AQR: variants seen among roughly 807,000 people sequenced by gnomAD.
AQR encodes RNA helicase aquarius.
In AQR, 61 loss-of-function variants were observed where a neutral mutation model predicts 180.5. That is an observed-to-expected ratio of 0.34 (90% CI 0.28 to 0.42). AQR has a LOEUF of 0.42. Among genes scored for constraint, AQR ranks in the 10% least tolerant of loss-of-function variants. The probability of loss-of-function intolerance (pLI) is 1.00; values close to 1 mark genes in which losing one functional copy is unlikely to be tolerated. For synonymous variants in AQR, 551 were observed against 588.8 expected, an observed-to-expected ratio of 0.94 and a Z score of 0.93; for missense variants, 1,281 against 1,798.3, an observed-to-expected ratio of 0.71 and a Z score of 5.20.
intron 3 of AQR, among the ~76,000 whole-genome samples, chr15:34,960,177 G>A (rs937369229): frequency 3.9e-5 from 6 of 152,086 alleles, no homozygotes; most frequent in Admixed American, 6.5e-5. Context: ...CCTAAGACAC[G>A]CTGTTAAATT....
At chr15:34,894,999 C>G (rs28636616) in intron 22 of AQR, among the ~76,000 whole-genome samples, 5 of 150,172 alleles carry the variant, frequency 3.3e-5, no homozygotes, top group Admixed American at 2.0e-4. Flanking sequence ...ACCCAATTCT[C>G]TACTAAAAAT....
Position 34,930,322 on chromosome 15 carries a change from G to A in AQR, c.950C>T (p.Thr317Ile), listed in dbSNP as rs1176225905. 4 of 1,611,394 alleles carry A rather than the reference G, an allele frequency of 2.5e-6. No individual in the cohort carries two copies. Among genetic ancestry groups the A allele is most frequent in the Non-Finnish European group, 2.5e-6 (3 of 1,178,578 alleles). ...FYTGFEINDQ[T>I]GNALTENEMT... ...CTCATTCTCTGTCAGAGCATTTCCA[G>A]TTTGGTCATTAATTTCAAAACCAGT... The change falls in exon 12 of 35, where the codon ACT (threonine) becomes ATT (isoleucine). Residue 317 changes from threonine to isoleucine, a missense_variant. Transcript: ENST00000156471.
intron 25 of AQR, among the ~76,000 whole-genome samples, chr15:34,886,054 T>A (rs1008151574): frequency 3.3e-5 from 5 of 152,302 alleles, no homozygotes; most frequent in South Asian, 4.1e-4. Flanking sequence ...CATCTTTATG[T>A]TGAAGTCAGA....
At chr15:34,884,134 T>G (rs1272773370) in intron 26 of AQR, among the ~76,000 whole-genome samples, 1 of 152,112 alleles carries the variant, frequency 6.6e-6, no homozygotes, top group East Asian at 1.9e-4. Context: ...GGGCCGGGTG[T>G]GGTGGCTCAC....
chr15:34,955,071 T>G (rs1473641490), intron 3 of AQR, among the ~76,000 whole-genome samples: 1 of 152,086 alleles, frequency 6.6e-6, no homozygotes, highest in Non-Finnish European at 1.5e-5. Context: ...TGCAGTGGGC[T>G]GAGATTGCGC....
At chr15:34,932,502 G>C (rs11858780) in intron 10 of AQR, 68 bp from the exon 11 acceptor site, 1 of 1,115,812 alleles carries the variant, frequency 9.0e-7, no homozygotes, top group Non-Finnish European at 1.3e-6. Context: ...GAAATCTAGT[G>C]ATATTTAACT....
intron 5 of AQR, among the ~76,000 whole-genome samples, chr15:34,945,058 A>G (rs1894088839): frequency 6.6e-6 from 1 of 152,196 alleles, no homozygotes; most frequent in African/African-American, 2.4e-5. Context: ...ACCATATTGA[A>G]GGCTCTTCTT....
At chr15:34,868,000 C>G in intron 31 of AQR, 1 of 177,044 alleles carries the variant, frequency 5.6e-6, no homozygotes. Flanking sequence ...TAACGTATCA[C>G]TAGTAAATGT....
intron 9 of AQR, 117 bp from the exon 10 acceptor site, chr15:34,934,752 A>G (rs999967458): frequency 1.8e-6 from 1 of 561,264 alleles, no homozygotes; most frequent in African/African-American, 2.0e-5. Flanking sequence ...TTTATTCATC[A>G]GAATTGGACT....
intron 34 of AQR, 90 bp downstream of exon 34, chr15:34,859,952 C>G: frequency 1.8e-6 from 1 of 549,840 alleles, no homozygotes; most frequent in Non-Finnish European, 2.9e-6. Flanking sequence ...TGATTTCCCA[C>G]AAGGAATTAG....
intron 10 of AQR, among the ~76,000 whole-genome samples, chr15:34,934,281 C>T (rs1893912223): frequency 6.8e-6 from 1 of 147,582 alleles, no homozygotes; most frequent in African/African-American, 2.5e-5. Context: ...GTATACAATA[C>T]TATATTATTA....
rs567421967 is a variant in AQR at position 34,938,433 on chromosome 15, T to C, written c.718+304A>G. On this transcript the variant is annotated intron_variant, in intron 9 of 34. Transcript: ENST00000156471. ...CTGTAATCCCAGCTACTCGGGAGGC[T>C]GAGGCAGGAGAATCACTGGAACCCT... 2.6e-4 allele frequency among the ~76,000 whole-genome samples: 39 copies of C among 152,172 alleles called. No homozygotes were observed. The South Asian group carries it at 7.5e-3, about 29-fold the overall frequency.
intron 33 of AQR, among the ~76,000 whole-genome samples, chr15:34,861,139 A>G (rs1227085286): frequency 6.6e-6 from 1 of 152,252 alleles, no homozygotes; most frequent in Non-Finnish European, 1.5e-5. Flanking sequence ...GGAGGATTCA[A>G]TCTCAAAGTG....
chr15:34,955,403 T>C (rs1894295358), intron 3 of AQR, among the ~76,000 whole-genome samples: 1 of 152,154 alleles, frequency 6.6e-6, no homozygotes, highest in Admixed American at 6.6e-5. Flanking sequence ...TTCTATTACA[T>C]TCCCCCCTAT....
At chr15:34,871,771 G>A (rs1392219936) in intron 30 of AQR, among the ~76,000 whole-genome samples, 1 of 151,960 alleles carries the variant, frequency 6.6e-6, no homozygotes, top group African/African-American at 2.4e-5. Context: ...GGATGAGGAT[G>A]TGACCGCAAA....
intron 1 of AQR, chr15:34,964,592 T>G (rs2050299694): frequency 2.4e-6 from 1 of 423,790 alleles, no homozygotes; most frequent in African/African-American, 2.0e-5. Context: ...CCAAACATCT[T>G]CAGCATGGCA....
At chr15:34,858,215 C>T (rs930161094) in intron 34 of AQR, among the ~76,000 whole-genome samples, 6 of 151,082 alleles carry the variant, frequency 4.0e-5, no homozygotes, top group South Asian at 2.1e-4. Flanking sequence ...AACTCCTGAC[C>T]GCAGGTGATC....
chr15:34,923,635 C>G (rs947668100), intron 13 of AQR, among the ~76,000 whole-genome samples: 1 of 152,144 alleles, frequency 6.6e-6, no homozygotes, highest in African/African-American at 2.4e-5. Context: ...GGTCAATGTT[C>G]ATACTTTGCA....
chr15:34,955,193 G>A (rs986734418), intron 3 of AQR, among the ~76,000 whole-genome samples: 45 of 152,124 alleles, frequency 3.0e-4, no homozygotes, highest in Non-Finnish European at 7.4e-5. Flanking sequence ...ATAATTTGAA[G>A]GATATTTGGA....
Sources: allele counts gnomAD v4.1 joint callset (sites outside exome capture counted in the v4.1 genomes callset), GRCh38; gene constraint gnomAD v4.1.1; transcripts MANE v1.5; gene names NCBI Gene and HGNC (gene_info 2026-07-23, HGNC 2026-07-21).